Variants in ALK observed in about 807,000 individuals in gnomAD.
The protein encoded by ALK is ALK receptor tyrosine kinase.
Under a neutral mutation model 163.1 loss-of-function variants are expected in ALK, and 74 were observed. That is an observed-to-expected ratio of 0.45 (90% CI 0.38 to 0.55). ALK has a LOEUF of 0.55. Ranked by LOEUF, ALK falls within the 20% of genes least tolerant of loss-of-function variation. ALK has a pLI of 0.00. For synonymous variants in ALK, 960 were observed against 843.2 expected (o/e 1.14, Z -2.40); for missense variants, 2,063 against 2,105.3 (o/e 0.98, Z 0.39).
At chr2:29,222,817 A>T (rs1434858369) in intron 20 of ALK, among the ~76,000 whole-genome samples, 4 of 152,204 alleles carry the variant, frequency 2.6e-5, no homozygotes, top group Admixed American at 2.6e-4. Flanking sequence ...AAGGATTCCA[A>T]CCAGGGACTC....
At position 29,921,482 on chromosome 2, in the gene ALK, G is replaced by A; in HGVS notation, c.-823C>T. The A allele has an allele frequency of 4.3e-6, 1 of 232,196 alleles. No homozygotes were observed. Among genetic ancestry groups the A allele is most frequent in the East Asian group, 6.1e-5 (1 of 16,522 alleles). The allele number at this position is 232,196 out of a possible 1,614,324, so 14.4% of individuals were successfully genotyped here. A position where few individuals can be genotyped will look rare whatever the true frequency, so the allele number is the denominator to read the frequency against. On this transcript the variant is annotated 5_prime_UTR_variant, in exon 1 of 29. Transcript: ENST00000389048. ...CGCGGCTTTGGGTGGCCGACCAGAG[G>A]GCGGCCGGAAAGCACCTCGGTGCCC...
intron 13 of ALK, among the ~76,000 whole-genome samples, chr2:29,234,512 A>AT (rs898641066): frequency 6.6e-6 from 1 of 151,800 alleles, no homozygotes; most frequent in African/African-American, 2.4e-5. Context: ...CTAATGTTCC[A>AT]TTTTTTCCCT....
intron 1 of ALK, among the ~76,000 whole-genome samples, chr2:29,767,721 A>G (rs1680902168): frequency 6.6e-6 from 1 of 151,918 alleles, no homozygotes; most frequent in Admixed American, 6.5e-5. Context: ...TTTATAGTAC[A>G]CTCCAGTGAT....
intron 4 of ALK, among the ~76,000 whole-genome samples, chr2:29,482,601 T>C (rs1671688718): frequency 6.6e-6 from 1 of 152,118 alleles, no homozygotes; most frequent in African/African-American, 2.4e-5. Context: ...AGGTAGGGTT[T>C]CCTCAGTTAT....
intron 5 of ALK, among the ~76,000 whole-genome samples, chr2:29,341,310 T>C (rs1240052098): frequency 6.6e-6 from 1 of 152,196 alleles, no homozygotes; most frequent in East Asian, 1.9e-4. Flanking sequence ...CCATTCAGGA[T>C]GATGGCTGCC....
chr2:29,758,972 C>CT (rs768628159), intron 1 of ALK, among the ~76,000 whole-genome samples: 23 of 151,526 alleles, frequency 1.5e-4, no homozygotes, highest in Admixed American at 4.6e-4. Flanking sequence ...CTAAATCTTG[C>CT]TTTTTTTTTC....
rs76422660 is a variant in ALK at position 29,621,660 on chromosome 2, T to C, written c.952+73190A>G. 5.4e-3 allele frequency among the ~76,000 whole-genome samples: 823 copies of C among 152,332 alleles called. 15 individuals are homozygous for C. Among genetic ancestry groups the C allele is most frequent in the African/African-American group, 0.018 (754 of 41,558 alleles). On this transcript the variant is annotated intron_variant, in intron 3 of 28. Transcript: ENST00000389048. ...AAGAAGGCACTGTTGCCCAACTTGATCTTAAATAGCTTCTTTACTTGCTGG... is the reference window on the plus strand; with the variant it reads ...AAGAAGGCACTGTTGCCCAACTTGACCTTAAATAGCTTCTTTACTTGCTGG...
intron 5 of ALK, among the ~76,000 whole-genome samples, chr2:29,377,666 G>T (rs575329594): frequency 6.6e-6 from 1 of 152,148 alleles, no homozygotes; most frequent in Non-Finnish European, 1.5e-5. Flanking sequence ...TTTAATTAAG[G>T]CTTCAGGCTC....
At chr2:29,426,062 A>C (rs1484083442) in intron 4 of ALK, among the ~76,000 whole-genome samples, 1 of 152,200 alleles carries the variant, frequency 6.6e-6, no homozygotes, top group Non-Finnish European at 1.5e-5. Flanking sequence ...TGCCAAAAAC[A>C]ATGGAATAAT....
At chr2:29,601,091 G>A (rs1398674775) in intron 3 of ALK, among the ~76,000 whole-genome samples, 1 of 152,178 alleles carries the variant, frequency 6.6e-6, no homozygotes, top group African/African-American at 2.4e-5. Flanking sequence ...CCTACATGCA[G>A]AGAAATTTGC....
At chr2:29,546,579 C>T (rs756099201) in intron 3 of ALK, among the ~76,000 whole-genome samples, 2 of 152,172 alleles carry the variant, frequency 1.3e-5, no homozygotes, top group Non-Finnish European at 2.9e-5. Flanking sequence ...TTCAGTGGAA[C>T]AAAACCCACT....
chr2:29,587,489 A>G (rs1304732976), intron 3 of ALK, among the ~76,000 whole-genome samples: 1 of 152,200 alleles, frequency 6.6e-6, no homozygotes, highest in African/African-American at 2.4e-5. Flanking sequence ...TTCCCCCCTG[A>G]GGTGAACTAG....
At position 29,193,199 on chromosome 2, in the gene ALK, A is replaced by T. The variant is rs1668916367; in HGVS notation, c.*25T>A. On this transcript the variant is annotated 3_prime_UTR_variant, in exon 29 of 29. Transcript: ENST00000389048. Reference sequence around the variant, plus strand: ...CTCCACGGTCTTAGGGATCCCAAGGAAGAGAAGTGAGTGTGCGACCGAGCT... The same window carrying T: ...CTCCACGGTCTTAGGGATCCCAAGGTAGAGAAGTGAGTGTGCGACCGAGCT... 3 of 1,609,876 alleles carry T rather than the reference A, an allele frequency of 1.9e-6. No homozygotes were observed. The highest frequency in any genetic ancestry group is 3.6e-4 in the Middle Eastern group (2 of 5,508).
At chr2:29,563,268 G>T (rs542994717) in intron 3 of ALK, among the ~76,000 whole-genome samples, 2 of 152,168 alleles carry the variant, frequency 1.3e-5, no homozygotes, top group Non-Finnish European at 2.9e-5. Flanking sequence ...TTGCAGCAGG[G>T]TTTACTTGGA....
intron 3 of ALK, among the ~76,000 whole-genome samples, chr2:29,621,194 T>C (rs765074625): frequency 1.3e-5 from 2 of 151,954 alleles, no homozygotes; most frequent in Non-Finnish European, 1.5e-5. Flanking sequence ...ATATTTAAGA[T>C]CTAGGAAATC....
chr2:29,359,616 AGGTGACTTT>A (rs1164786622), intron 5 of ALK, among the ~76,000 whole-genome samples: 4 of 152,258 alleles, frequency 2.6e-5, no homozygotes, highest in Admixed American at 2.0e-4. Context: ...TTCCACTTGA[AGGTGACTTT>A]GGGATCAATA....
chr2:29,394,672 T>C (rs940820837), intron 4 of ALK, among the ~76,000 whole-genome samples: 1 of 152,126 alleles, frequency 6.6e-6, no homozygotes, highest in Non-Finnish European at 1.5e-5. Context: ...GGGTGGTAGA[T>C]TTTCTGTGAT....
chr2:29,357,291 C>A (rs550726762), intron 5 of ALK, among the ~76,000 whole-genome samples: 12 of 152,266 alleles, frequency 7.9e-5, no homozygotes, highest in African/African-American at 2.6e-4. Context: ...TTGCCCTCAT[C>A]TCCTCCTCAT....
intron 4 of ALK, among the ~76,000 whole-genome samples, chr2:29,385,948 C>T (rs1669021710): frequency 6.6e-6 from 1 of 152,224 alleles, no homozygotes; most frequent in Non-Finnish European, 1.5e-5. Flanking sequence ...AATGTGTGCA[C>T]ATTTAGGCAT....
Sources: allele counts gnomAD v4.1 joint callset (sites outside exome capture counted in the v4.1 genomes callset), GRCh38; gene constraint gnomAD v4.1.1; transcripts MANE v1.5; gene names NCBI Gene and HGNC (gene_info 2026-07-23, HGNC 2026-07-21).